Variants in DLEC1 observed in about 807,000 individuals in gnomAD.
DLEC1 encodes the protein DLEC1 cilia and flagella associated protein.
DLEC1 carries 146 observed loss-of-function variants against 198.1 expected under a neutral mutation model. That is an observed-to-expected ratio of 0.74 (90% CI 0.64 to 0.85). The LOEUF is 0.85. DLEC1 is among the 40% of genes least tolerant of loss of function. The pLI is 0.00. For missense variants in DLEC1, 2,233 were observed against 2,220.0 expected, an observed-to-expected ratio of 1.01 and a Z score of -0.12; for synonymous variants, 897 against 866.8, an observed-to-expected ratio of 1.03 and a Z score of -0.61.
intron 1 of DLEC1, among the ~76,000 whole-genome samples, chr3:38,045,204 C>T (rs1314525572): frequency 6.6e-6 from 1 of 152,186 alleles, no homozygotes; most frequent in African/African-American, 2.4e-5. Flanking sequence ...AGCTAGGGAG[C>T]AAGTCCTTCC....
intron 6 of DLEC1, among the ~76,000 whole-genome samples, chr3:38,079,627 G>C (rs1319397066): frequency 6.6e-6 from 1 of 152,230 alleles, no homozygotes; most frequent in Non-Finnish European, 1.5e-5. Context: ...GCTGCCAGGT[G>C]AGTTGGACAG....
chr3:38,097,458 A>C, intron 16 of DLEC1, 49 bp from the exon 17 acceptor site: 1 of 1,607,630 alleles, frequency 6.2e-7, no homozygotes, highest in Non-Finnish European at 8.5e-7. Context: ...CATAGGAGGA[A>C]ACTGCCTCTG....
chr3:38,103,547 T>C (rs989028808), intron 19 of DLEC1: 16 of 152,274 alleles, frequency 1.1e-4, no homozygotes, highest in Non-Finnish European at 1.8e-4. Flanking sequence ...TTTTCACAAA[T>C]AGGGCATTTG....
chr3:38,050,246 T>C (rs1157299941), intron 2 of DLEC1, among the ~76,000 whole-genome samples: 1 of 151,978 alleles, frequency 6.6e-6, no homozygotes, highest in Non-Finnish European at 1.5e-5. Context: ...TTTTTTGTAT[T>C]TTTAGTAGAG....
At chr3:38,081,659 T>C (rs1406650522) in intron 6 of DLEC1, among the ~76,000 whole-genome samples, 12 of 47,774 alleles carry the variant, frequency 2.5e-4, no homozygotes, top group South Asian at 8.3e-4. Context: ...GCTGGCCGGG[T>C]GGGGGGGCTG....
At chr3:38,071,136 G>T (rs190502809) in intron 6 of DLEC1, among the ~76,000 whole-genome samples, 8 of 152,136 alleles carry the variant, frequency 5.3e-5, no homozygotes, top group African/African-American at 1.9e-4. Context: ...TGGTGATATC[G>T]TGGGGTTGTT....
At chr3:38,062,937 G>T in intron 5 of DLEC1, 136 bp downstream of exon 5, 2 of 937,832 alleles carry the variant, frequency 2.1e-6, no homozygotes, top group East Asian at 2.7e-5. Context: ...GAGCAGGGCT[G>T]CAGGGTCACC....
chr3:38,120,377 G>A, intron 33 of DLEC1, 71 bp from the exon 34 acceptor site: 1 of 1,562,132 alleles, frequency 6.4e-7, no homozygotes, highest in Non-Finnish European at 8.8e-7. Context: ...AAAGGAGGAT[G>A]GAGCTCCAGG....
At chr3:38,070,010 C>G (rs1272842428) in intron 6 of DLEC1, among the ~76,000 whole-genome samples, 1 of 152,206 alleles carries the variant, frequency 6.6e-6, no homozygotes, top group Non-Finnish European at 1.5e-5. Flanking sequence ...AACATGGCTT[C>G]TGTCATGTTA....
At chr3:38,122,031 G>A (rs1288561836) in intron 35 of DLEC1, 40 bp from the exon 36 acceptor site, 1 of 1,607,782 alleles carries the variant, frequency 6.2e-7, no homozygotes, top group South Asian at 1.1e-5. Context: ...AGTACATGGG[G>A]CTGCCTGCAC....
chr3:38,058,190 T>C (rs904053644), intron 2 of DLEC1, among the ~76,000 whole-genome samples: 2 of 152,156 alleles, frequency 1.3e-5, no homozygotes, highest in African/African-American at 4.8e-5. Context: ...CCAAAAGCTC[T>C]CCTGGTAATA....
intron 6 of DLEC1, among the ~76,000 whole-genome samples, chr3:38,078,394 AG>A (rs2125650316): frequency 6.6e-6 from 1 of 152,330 alleles, no homozygotes; most frequent in African/African-American, 2.4e-5. Flanking sequence ...TAAAACAGTA[AG>A]GTCAAGTTGT....
chr3:38,084,477 G>T (rs1698289780), intron 7 of DLEC1, among the ~76,000 whole-genome samples: 1 of 150,478 alleles, frequency 6.6e-6, no homozygotes. Flanking sequence ...AGTGGTGGTG[G>T]TGGTAGTAGT....
At chr3:38,102,231 C>A (rs540252461) in intron 19 of DLEC1, among the ~76,000 whole-genome samples, 1 of 152,240 alleles carries the variant, frequency 6.6e-6, no homozygotes, top group African/African-American at 2.4e-5. Context: ...GAGCTCCAGG[C>A]TCACACACTC....
intron 2 of DLEC1, among the ~76,000 whole-genome samples, chr3:38,056,262 C>CA (rs11312921): frequency 4.2e-4 from 63 of 150,676 alleles, no homozygotes; most frequent in South Asian, 8.4e-4. Flanking sequence ...GACCCTGTCT[C>CA]AAAAAAAAAC....
In DLEC1 at chr3:38,123,257, G is replaced by T; in HGVS notation, c.*845G>T. On this transcript the variant is annotated 3_prime_UTR_variant, in exon 37 of 37. Transcript: ENST00000308059. ...CAGATCTGTGGGCAAGCGGTACCCT[G>T]GCCTCCCACTTGGGCACACACACGG... 1 of 772,714 alleles carries T rather than the reference G, an allele frequency of 1.3e-6. No individual in the cohort carries two copies. Among genetic ancestry groups the T allele is most frequent in the Non-Finnish European group, 2.2e-6 (1 of 457,236 alleles). The allele number at this position is 772,714 out of a possible 1,614,324, so 47.9% of individuals were successfully genotyped here.
intron 6 of DLEC1, among the ~76,000 whole-genome samples, chr3:38,070,976 G>C (rs766934195): frequency 5.5e-4 from 83 of 152,248 alleles, no homozygotes; most frequent in Non-Finnish European, 9.1e-4. Context: ...AAACAAAATA[G>C]TGTTGAAGTG....
At chr3:38,055,368 C>T (rs115495962) in intron 2 of DLEC1, among the ~76,000 whole-genome samples, 3,418 of 152,182 alleles carry the variant, frequency 0.022, 133 homozygotes, top group African/African-American at 0.078. Flanking sequence ...TTAAATGCAG[C>T]CAAGGAAAAA....
chr3:38,039,421 C>T lies in DLEC1; in HGVS notation c.196C>T (p.Leu66Phe), dbSNP rs448076. ...CAGCTTCGCAGCCCGGCCCCGCCGC[C>T]TCACGCAGCTTGCGCTGGCGCAGCG... ...HYSFAARPRRLTQLALAQRPE... is the reference protein window; with the variant it reads ...HYSFAARPRRFTQLALAQRPE... The change falls in exon 1 of 37, where the codon CTC (leucine) becomes TTC (phenylalanine). Residue 66 changes from leucine to phenylalanine, a missense_variant. Leu to Phe is a conservative substitution (Grantham distance 22). Coordinates refer to ENST00000308059, the MANE Select transcript of DLEC1 (RefSeq NM_007335.4). The T allele has an allele frequency of 6.2e-7, 1 of 1,613,844 alleles. No homozygotes were observed. Among genetic ancestry groups the T allele is most frequent in the Non-Finnish European group, 8.5e-7 (1 of 1,179,820 alleles).
Sources: allele counts gnomAD v4.1 joint callset (sites outside exome capture counted in the v4.1 genomes callset), GRCh38; gene constraint gnomAD v4.1.1; transcripts MANE v1.5; gene names NCBI Gene and HGNC (gene_info 2026-07-23, HGNC 2026-07-21).